The following ZNF534 variants were observed in gnomAD, a reference collection of about 807,000 sequenced individuals.
ZNF534 encodes the protein zinc finger protein 534.
In ZNF534, 19 loss-of-function variants were observed where a neutral mutation model predicts 13.6. The observed-to-expected ratio is 1.40, with a 90% CI of 0.97 to 2.05. The LOEUF (loss-of-function observed/expected upper bound fraction) is 2.05. ZNF534 is among the 30% of genes most tolerant of loss of function. The pLI, the probability that ZNF534 is intolerant of heterozygous loss-of-function variation, is 0.00. For synonymous variants in ZNF534, 244 were observed against 273.8 expected, an observed-to-expected ratio of 0.89 and a Z score of 1.07; for missense variants, 782 against 796.3, an observed-to-expected ratio of 0.98 and a Z score of 0.22.
rs377418667 is a variant in ZNF534, at chr19:52,434,125, A to T, written c.142+44A>T. 1.7e-4 allele frequency: 276 copies of T among 1,584,958 alleles called. No homozygotes were observed. The African/African-American group carries it at 3.1e-3, about 18-fold the overall frequency. ...CAGAAGCCTGCATCTGCTCTGGTAT[A>T]TCTTTTTGCATTTTCTCTTGTGTGT... On this transcript the variant is annotated intron_variant, in intron 3 of 4. Transcript: ENST00000433050.
intron 2 of ZNF534, among the ~76,000 whole-genome samples, chr19:52,432,514 CAGTT>C (rs1476517858): frequency 3.9e-5 from 6 of 152,130 alleles, no homozygotes; most frequent in African/African-American, 1.4e-4. Context: ...GTTGCTGTAC[CAGTT>C]AGTTCATGTA....
chr19:52,429,943 T>G (rs1355028027), intron 1 of ZNF534, among the ~76,000 whole-genome samples: 1 of 150,076 alleles, frequency 6.7e-6, no homozygotes, highest in Non-Finnish European at 1.5e-5. Context: ...AGTGCTTTTT[T>G]TTCATGTAAC....
rs1297119835 is a variant in ZNF534 at position 52,433,661 on chromosome 19, C to T, written c.16-294C>T. Among the ~76,000 whole-genome samples the T allele has an allele frequency of 3.9e-5, 6 of 152,208 alleles. No homozygotes were observed. In the East Asian group the frequency reaches 9.6e-4, roughly 24 times the overall value. ...GATTACAGGCATGAGCCGCCGTGCC[C>T]GGCAGTAATACCTAACATTTCTATA... On this transcript the variant is annotated intron_variant, in intron 2 of 4. Coordinates refer to ENST00000433050, the MANE Select transcript of ZNF534 (RefSeq NM_001143938.3).
Position 52,451,790 on chromosome 19 carries a change from A to C in ZNF534, c.*293A>C, listed in dbSNP as rs902568451. 4 of 707,798 alleles carry C rather than the reference A, an allele frequency of 5.7e-6. No individual in the cohort carries two copies. In the Admixed American group the frequency reaches 8.0e-5, roughly 14 times the overall value. The allele number at this position is 707,798 out of a possible 1,614,324, so 43.8% of individuals were successfully genotyped here. A position where few individuals can be genotyped will look rare whatever the true frequency, so the allele number is the denominator to read the frequency against. ...GGAAATGTTGGTGTTGTACTCTTTA[A>C]TTTTTGCAAAGAAAAGTTTGAAGTC... On this transcript the variant is annotated 3_prime_UTR_variant, in exon 5 of 5. Transcript: ENST00000301085.
At chr19:52,437,639 T>A (rs1387349349) in intron 4 of ZNF534, 93 bp from the exon 5 acceptor site, 8 of 1,235,846 alleles carry the variant, frequency 6.5e-6, no homozygotes, top group Non-Finnish European at 8.8e-6. Context: ...ATAATTTCAA[T>A]GTCTGAGTGA....
At chr19:52,451,180 C>A in intron 4 of ZNF534, 1 of 677,844 alleles carries the variant, frequency 1.5e-6, no homozygotes, top group Non-Finnish European at 2.7e-6. Flanking sequence ...TAATTTTCTA[C>A]CCATAGATTT....
chr19:52,439,878 G>A lies in ZNF534; in HGVS notation c.*432G>A, dbSNP rs2059160937. Among the ~76,000 whole-genome samples, 1 of 151,990 alleles carries A rather than the reference G, an allele frequency of 6.6e-6. No individual in the cohort carries two copies. Among genetic ancestry groups the A allele is most frequent in the Non-Finnish European group, 1.5e-5 (1 of 68,020 alleles). ...GAGGTTAGAAGTTCGAGACCAGCCT[G>A]ACCAACATGGAGAAACCCCATCTCT... is the stretch of plus-strand genomic sequence containing the variant. On this transcript the variant is annotated 3_prime_UTR_variant, in exon 5 of 5. Transcript: ENST00000433050.
In ZNF534 at chr19:52,437,549, T is replaced by TTA. The variant is rs569495936; in HGVS notation, c.272-183_272-182insTA. Among the ~76,000 whole-genome samples the TTA allele has an allele frequency of 2.1e-3, 313 of 152,246 alleles. 2 individuals carry two copies. The highest frequency in any genetic ancestry group is 6.7e-3 in the African/African-American group (279 of 41,530). On this transcript the variant is annotated intron_variant, in intron 4 of 4. Transcript: ENST00000433050. ...GCTTAAACCCAGGAGGCAGAGGTAGTAGTGAACTGCAATCACACCATTGCA... is the reference window on the plus strand; with the variant it reads ...GCTTAAACCCAGGAGGCAGAGGTAGTTAAGTGAACTGCAATCACACCATTGCA...
chr19:52,447,019 C>T (rs147487100), downstream of ZNF534, among the ~76,000 whole-genome samples: 87 of 152,312 alleles, frequency 5.7e-4, no homozygotes, highest in African/African-American at 1.9e-3. Flanking sequence ...GGTCCACTTC[C>T]TCCACCTTCA....
At chr19:52,451,993 C>G in exon 5 of ZNF534, 2 of 307,044 alleles carry the variant, frequency 6.5e-6, no homozygotes, top group Non-Finnish European at 6.6e-6. Flanking sequence ...TTCTTAAAAA[C>G]AAAGAGTTTT....
Position 52,438,935 on chromosome 19 carries a change from A to C in ZNF534, c.1475A>C (p.Lys492Thr). The C allele has an allele frequency of 6.3e-7, 1 of 1,593,316 alleles. No individual in the cohort carries two copies. Among genetic ancestry groups the C allele is most frequent in the Non-Finnish European group, 8.6e-7 (1 of 1,167,578 alleles). ...CATAGGAAAATTCATACTGGAGAGAAGCTTTACAAATGTAATGAATGTGGC... is the reference window on the plus strand; with the variant it reads ...CATAGGAAAATTCATACTGGAGAGACGCTTTACAAATGTAATGAATGTGGC... ...QRHRKIHTGE[K>T]LYKCNECGKV... The change falls in exon 5 of 5, where the codon AAG becomes ACG. Residue 492 changes from lysine to threonine, a missense_variant. Around this residue, in one of 5 missense-constraint regions of ZNF534, gnomAD observed 591 missense variants for 574.0 expected, o/e 1.03. Transcript: ENST00000433050.
chr19:52,432,822 G>A (rs2059097273), intron 2 of ZNF534, among the ~76,000 whole-genome samples: 1 of 151,824 alleles, frequency 6.6e-6, no homozygotes, highest in Non-Finnish European at 1.5e-5. Flanking sequence ...AGTAGAGATG[G>A]GGTTTCACCA....
At chr19:52,433,912 ACT>A (rs2059109697) in intron 2 of ZNF534, 41 bp from the exon 3 acceptor site, 5 of 1,610,714 alleles carry the variant, frequency 3.1e-6, no homozygotes, top group Non-Finnish European at 3.4e-6. Context: ...GAAGATAAGT[ACT>A]CTCTCCATAC....
At chr19:52,450,259 C>T (rs1192966275) in intron 4 of ZNF534, among the ~76,000 whole-genome samples, 1 of 152,090 alleles carries the variant, frequency 6.6e-6, no homozygotes, top group African/African-American at 2.4e-5. Context: ...CAGATCAATG[C>T]CCTGAAGAGT....
intron 1 of ZNF534, among the ~76,000 whole-genome samples, chr19:52,430,222 G>T (rs558465861): frequency 2.0e-5 from 3 of 151,788 alleles, no homozygotes; most frequent in Non-Finnish European, 1.5e-5. Context: ...GACCATGTTG[G>T]CCAGGCTGGT....
rs780285378 is a variant in ZNF534, at chr19:52,433,889, T to C, written c.16-66T>C. The C allele has an allele frequency of 9.4e-6, 15 of 1,594,732 alleles. No homozygotes were observed. The South Asian group carries it at 1.7e-4, about 18-fold the overall frequency. On this transcript the variant is annotated intron_variant, in intron 2 of 4. Transcript: ENST00000433050. ...GTGGAGTGAGTCCTTACAACTGTCT[T>C]CTCATTCTGTTTGAAGATAAGTACT... is the stretch of plus-strand genomic sequence containing the variant.
In ZNF534 at chr19:52,434,927, A is replaced by T. The variant is rs150138957; in HGVS notation, c.143-154A>T. ...AGGGGGCTTGACGTCTACATGTTAC[A>T]ATGTTCCCTTAGCATTCAGAAGGAT... On this transcript the variant is annotated intron_variant, in intron 3 of 4. Transcript: ENST00000433050. Among the ~76,000 whole-genome samples, 114 of 152,218 alleles carry T rather than the reference A, an allele frequency of 7.5e-4. No individual in the cohort carries two copies. In the Middle Eastern group the frequency reaches 0.014, roughly 18 times the overall value.
intron 1 of ZNF534, among the ~76,000 whole-genome samples, chr19:52,430,120 A>G (rs566044297): frequency 5.1e-4 from 77 of 151,616 alleles, no homozygotes; most frequent in African/African-American, 1.5e-3. Flanking sequence ...GGTTCAAGCA[A>G]TTCTCCTGCC....
In ZNF534 at chr19:52,439,567, C is replaced by T; in HGVS notation, c.*121C>T. 1 of 883,976 alleles carries T rather than the reference C, an allele frequency of 1.1e-6. No individual in the cohort carries two copies. Among genetic ancestry groups the T allele is most frequent in the Non-Finnish European group, 1.6e-6 (1 of 623,966 alleles). The allele number at this position is 883,976 out of a possible 1,614,324, so 54.8% of individuals were successfully genotyped here. A position where few individuals can be genotyped will look rare whatever the true frequency, so the allele number is the denominator to read the frequency against. On this transcript the variant is annotated 3_prime_UTR_variant, in exon 5 of 5. Coordinates refer to ENST00000433050, the MANE Select transcript of ZNF534 (RefSeq NM_001143938.3). ...GACCATCCTGGCTAACACGGTGAAA[C>T]CCCATCTCTACTAAAAATACAAAAA... is the stretch of plus-strand genomic sequence containing the variant.
Sources: allele counts gnomAD v4.1 joint callset (sites outside exome capture counted in the v4.1 genomes callset), GRCh38; gene constraint gnomAD v4.1.1; regional missense constraint gnomAD v4.1.1; transcripts MANE v1.5; gene names NCBI Gene and HGNC (gene_info 2026-07-23, HGNC 2026-07-21).